The following WWOX variants were observed in gnomAD, a reference collection of about 807,000 sequenced individuals.
WWOX encodes WW domain-containing oxidoreductase.
Under a neutral mutation model 46.2 loss-of-function variants are expected in WWOX, and 69 were observed. That is an observed-to-expected ratio of 1.49 (90% CI 1.23 to 1.82). The LOEUF is 1.82. Ranked by LOEUF, WWOX falls within the 40% of genes most tolerant of loss-of-function variation. WWOX has a pLI of 0.00. For missense variants in WWOX, 919 were observed against 542.6 expected (o/e 1.69, Z -6.89); for synonymous variants, 359 against 202.6 (o/e 1.77, Z -6.56).
chr16:78,166,459 G>T (rs1446592964), intron 5 of WWOX, among the ~76,000 whole-genome samples: 1 of 152,084 alleles, frequency 6.6e-6, no homozygotes, highest in Admixed American at 6.5e-5. Flanking sequence ...AAATGCCTGG[G>T]GCAGAATCTT....
rs1266343630 is a variant in WWOX, at chr16:78,702,105, T to TATATATATATAC, written c.1056+269364_1056+269365insCATATATATATA. On this transcript the variant is annotated intron_variant, in intron 8 of 8. Coordinates refer to ENST00000566780, the MANE Select transcript of WWOX (RefSeq NM_016373.4). Reference sequence around the variant, plus strand: ...TTATATTTATATCTATAAAGTTATATATATATATATATATATATTTATTTA... The same window carrying TATATATATATAC: ...TTATATTTATATCTATAAAGTTATATATATATATATACATATATATATATATATATTTATTTA... Among the ~76,000 whole-genome samples the TATATATATATAC allele has an allele frequency of 2.1e-4, 27 of 128,430 alleles. 1 individual carries two copies. The highest frequency in any genetic ancestry group is 7.7e-4 in the African/African-American group (23 of 29,834). 84.3% of individuals were successfully genotyped at this position (128,430 alleles called of 152,430 possible). A position where few individuals can be genotyped will look rare whatever the true frequency, so the allele number is the denominator to read the frequency against.
intron 8 of WWOX, among the ~76,000 whole-genome samples, chr16:78,492,552 C>T (rs142813289): frequency 3.9e-5 from 6 of 152,292 alleles, no homozygotes; most frequent in Non-Finnish European, 8.8e-5. Flanking sequence ...AGTCCCTGAC[C>T]CTGGGGACTA....
At chr16:78,949,488 G>T (rs1007674978) in intron 8 of WWOX, among the ~76,000 whole-genome samples, 6 of 152,252 alleles carry the variant, frequency 3.9e-5, no homozygotes, top group African/African-American at 1.4e-4. Flanking sequence ...GCATTCAATA[G>T]AATTGCTTTT....
At chr16:79,101,333 GAC>G (rs1292792628) in intron 8 of WWOX, 2 of 152,148 alleles carry the variant, frequency 1.3e-5, no homozygotes, top group Non-Finnish European at 2.9e-5. Flanking sequence ...TCTCTCTGCT[GAC>G]ACAAGATCGT....
At chr16:78,743,041 G>A (rs1043587139) in intron 8 of WWOX, among the ~76,000 whole-genome samples, 1 of 151,958 alleles carries the variant, frequency 6.6e-6, no homozygotes, top group African/African-American at 2.4e-5. Flanking sequence ...GGGAGGTTAG[G>A]TGTCTGCCGT....
intron 8 of WWOX, among the ~76,000 whole-genome samples, chr16:79,022,852 G>C (rs955682912): frequency 1.3e-5 from 2 of 152,200 alleles, no homozygotes; most frequent in Non-Finnish European, 2.9e-5. Context: ...TAGAGTCTGT[G>C]CTTTGCACTT....
intron 8 of WWOX, among the ~76,000 whole-genome samples, chr16:78,636,716 C>T (rs944063442): frequency 5.3e-5 from 8 of 152,144 alleles, no homozygotes; most frequent in African/African-American, 1.7e-4. Context: ...AAACAGGCAA[C>T]CTAGCTCAGC....
chr16:79,158,632 AC>A (rs2050427671), intron 8 of WWOX, among the ~76,000 whole-genome samples: 1 of 152,028 alleles, frequency 6.6e-6, no homozygotes, highest in Non-Finnish European at 1.5e-5. Context: ...CAGGGCCTTC[AC>A]CTTCAGCCTC....
intron 8 of WWOX, among the ~76,000 whole-genome samples, chr16:78,664,908 C>G (rs2047296127): frequency 2.0e-5 from 3 of 152,166 alleles, no homozygotes; most frequent in South Asian, 4.1e-4. Context: ...TACAATGTGA[C>G]TGGAATTGGC....
chr16:78,100,107 G>A (rs2031662450), intron 1 of WWOX: 1 of 1,374,802 alleles, frequency 7.3e-7, no homozygotes. Flanking sequence ...TTCCCGGCGC[G>A]CCCTCTGCTG....
At chr16:78,450,911 AT>A (rs902311515) in intron 8 of WWOX, among the ~76,000 whole-genome samples, 1 of 152,156 alleles carries the variant, frequency 6.6e-6, no homozygotes, top group African/African-American at 2.4e-5. Context: ...AAACAATACA[AT>A]TTTCTTCTGC....
chr16:78,106,164 C>G (rs2032130743), intron 1 of WWOX, among the ~76,000 whole-genome samples: 1 of 152,166 alleles, frequency 6.6e-6, no homozygotes, highest in African/African-American at 2.4e-5. Context: ...TTGATGTGTG[C>G]CTATGAGATA....
At chr16:78,289,791 G>A (rs1010031778) in intron 5 of WWOX, among the ~76,000 whole-genome samples, 13 of 152,156 alleles carry the variant, frequency 8.5e-5, no homozygotes, top group African/African-American at 2.9e-4. Context: ...AGGAGGTCCT[G>A]AATAAAATAA....
At chr16:78,744,215 T>C (rs1157148975) in intron 8 of WWOX, among the ~76,000 whole-genome samples, 1 of 152,064 alleles carries the variant, frequency 6.6e-6, no homozygotes, top group Non-Finnish European at 1.5e-5. Flanking sequence ...GGTAAGAGTT[T>C]GTGAAAAGAC....
chr16:78,908,374 T>A (rs183240417), intron 8 of WWOX, among the ~76,000 whole-genome samples: 95 of 152,114 alleles, frequency 6.2e-4, no homozygotes, highest in Middle Eastern at 3.4e-3. Context: ...ACCCCATCCC[T>A]ACTAAAGATA....
At chr16:78,235,086 A>T (rs936274049) in intron 5 of WWOX, among the ~76,000 whole-genome samples, 1 of 152,116 alleles carries the variant, frequency 6.6e-6, no homozygotes, top group Non-Finnish European at 1.5e-5. Context: ...ACACGTAATG[A>T]TGTTCGTGAT....
At chr16:78,928,774 G>GATCGTTTTATACGTGCAACTGAGGC (rs2045557966) in intron 8 of WWOX, among the ~76,000 whole-genome samples, 1 of 152,142 alleles carries the variant, frequency 6.6e-6, no homozygotes, top group African/African-American at 2.4e-5. Context: ...ATAAAACACA[G>GATCGTTTTATACGTGCAACTGAGGC]TTTCAGTGAT....
At chr16:78,513,793 A>G (rs754413582) in intron 8 of WWOX, among the ~76,000 whole-genome samples, 13 of 152,168 alleles carry the variant, frequency 8.5e-5, no homozygotes, top group Non-Finnish European at 1.8e-4. Flanking sequence ...TTACGTCACC[A>G]CTTACCATCC....
intron 8 of WWOX, among the ~76,000 whole-genome samples, chr16:79,008,286 A>G (rs192698048): frequency 6.6e-6 from 1 of 152,266 alleles, no homozygotes; most frequent in East Asian, 1.9e-4. Flanking sequence ...CCATGCTCTG[A>G]GTCACTCTCT....
Sources: allele counts gnomAD v4.1 joint callset (sites outside exome capture counted in the v4.1 genomes callset), GRCh38; gene constraint gnomAD v4.1.1; transcripts MANE v1.5; gene names NCBI Gene and HGNC (gene_info 2026-07-23, HGNC 2026-07-21).